Variants in RANBP17 observed in about 807,000 individuals in gnomAD.
The protein encoded by RANBP17 is ran-binding protein 17.
A neutral mutation model predicts 141.2 loss-of-function variants in RANBP17; 158 were observed. The ratio of observed to expected loss-of-function variants is 1.12; its 90% CI spans 0.98 to 1.28. The LOEUF (loss-of-function observed/expected upper bound fraction) is 1.28. RANBP17 is among the 50% of genes most tolerant of loss of function. The pLI, the probability that RANBP17 is intolerant of heterozygous loss-of-function variation, is 0.00. For missense variants in RANBP17, 1,438 were observed against 1,290.7 expected (o/e 1.11, Z -1.75); for synonymous variants, 430 against 450.0 (o/e 0.96, Z 0.56).
chr5:171,120,430 G>T (rs371533757), intron 14 of RANBP17, among the ~76,000 whole-genome samples: 1 of 152,224 alleles, frequency 6.6e-6, no homozygotes, highest in African/African-American at 2.4e-5. Flanking sequence ...CTCAAGTCAT[G>T]ATACAAAGTC....
chr5:170,973,089 A>C (rs1581276993), intron 14 of RANBP17, among the ~76,000 whole-genome samples: 1 of 152,286 alleles, frequency 6.6e-6, no homozygotes, highest in Middle Eastern at 3.4e-3. Flanking sequence ...ACTATTGATA[A>C]GTAACCACTA....
chr5:170,985,957 A>G (rs1345544901), intron 14 of RANBP17, among the ~76,000 whole-genome samples: 3 of 151,970 alleles, frequency 2.0e-5, no homozygotes, highest in African/African-American at 4.8e-5. Flanking sequence ...AAAATTTCCA[A>G]ATTGCTTTTC....
At chr5:171,252,341 A>G in intron 24 of RANBP17, 1 of 1,540,342 alleles carries the variant, frequency 6.5e-7, no homozygotes, top group South Asian at 1.1e-5. Flanking sequence ...GAGATTTTTC[A>G]GGGAACATTA....
chr5:170,899,000 T>TG (rs1770386006), intron 5 of RANBP17, among the ~76,000 whole-genome samples: 1 of 152,102 alleles, frequency 6.6e-6, no homozygotes, highest in Non-Finnish European at 1.5e-5. Context: ...CTTGGCTATA[T>TG]GGGCTCTTTT....
intron 8 of RANBP17, among the ~76,000 whole-genome samples, chr5:170,916,075 A>G (rs186242286): frequency 8.4e-4 from 128 of 151,664 alleles, no homozygotes; most frequent in East Asian, 1.9e-4. Flanking sequence ...TTGCATTATA[A>G]TGCATTATAT....
chr5:170,978,354 A>G (rs999860395), intron 14 of RANBP17, among the ~76,000 whole-genome samples: 1 of 152,128 alleles, frequency 6.6e-6, no homozygotes, highest in Admixed American at 6.5e-5. Flanking sequence ...TTATTTACCC[A>G]GAAGAAATGA....
chr5:171,210,030 A>G (rs1485448577), intron 20 of RANBP17, among the ~76,000 whole-genome samples: 1 of 152,224 alleles, frequency 6.6e-6, no homozygotes, highest in Non-Finnish European at 1.5e-5. Flanking sequence ...CATATTTGGT[A>G]TCCTGTAAGG....
intron 12 of RANBP17, among the ~76,000 whole-genome samples, chr5:170,943,382 A>G (rs2127479018): frequency 6.6e-6 from 1 of 152,232 alleles, no homozygotes; most frequent in Non-Finnish European, 1.5e-5. Flanking sequence ...GTCATGGTTT[A>G]CGAAAACAAT....
chr5:171,278,365 A>C (rs374598556), intron 25 of RANBP17, among the ~76,000 whole-genome samples: 11 of 152,228 alleles, frequency 7.2e-5, no homozygotes, highest in African/African-American at 2.6e-4. Flanking sequence ...AAAAATATTC[A>C]AAAATTAGCT....
At chr5:171,103,124 C>T (rs558433618) in intron 14 of RANBP17, among the ~76,000 whole-genome samples, 6 of 152,320 alleles carry the variant, frequency 3.9e-5, no homozygotes, top group Admixed American at 3.3e-4. Context: ...AGAGCTCTAG[C>T]GCTGTGCTGA....
intron 14 of RANBP17, among the ~76,000 whole-genome samples, chr5:171,155,493 T>C (rs1758835771): frequency 6.6e-6 from 1 of 152,278 alleles, no homozygotes; most frequent in African/African-American, 2.4e-5. Context: ...AGCAGAGTTC[T>C]CCACATACAT....
chr5:171,017,497 A>G (rs901162400), intron 14 of RANBP17, among the ~76,000 whole-genome samples: 5 of 152,148 alleles, frequency 3.3e-5, no homozygotes, highest in African/African-American at 1.2e-4. Flanking sequence ...CATTTCTCTG[A>G]TGATCAGTGA....
intron 13 of RANBP17, among the ~76,000 whole-genome samples, chr5:170,961,437 ATAATT>A (rs1776143779): frequency 6.6e-6 from 1 of 152,226 alleles, no homozygotes; most frequent in Admixed American, 6.5e-5. Context: ...TTTACCAGAA[ATAATT>A]TAAGATAAAC....
chr5:170,952,437 T>C (rs180670772), intron 12 of RANBP17, among the ~76,000 whole-genome samples: 51 of 152,184 alleles, frequency 3.4e-4, no homozygotes, highest in Non-Finnish European at 5.3e-4. Flanking sequence ...CCAGGTTAGA[T>C]TTCTAATTTA....
In RANBP17 at chr5:171,078,138, T is replaced by C. The variant is rs201637154; in HGVS notation, c.1711-91992T>C. Among the ~76,000 whole-genome samples the C allele has an allele frequency of 2.4e-3, 360 of 149,462 alleles. 6 individuals carry two copies. In the East Asian group the frequency reaches 0.039, roughly 16 times the overall value. On this transcript the variant is annotated intron_variant, in intron 14 of 27. Coordinates refer to ENST00000523189, the MANE Select transcript of RANBP17 (RefSeq NM_022897.5). ...AGATTTTCTTTTCTTTTCTTTCTTTTTTTTTTTTTTTTTGAGACTGAGTCT... is the reference window on the plus strand; with the variant it reads ...AGATTTTCTTTTCTTTTCTTTCTTTCTTTTTTTTTTTTTGAGACTGAGTCT...
At chr5:171,001,473 G>T (rs188576358) in intron 14 of RANBP17, among the ~76,000 whole-genome samples, 20 of 152,144 alleles carry the variant, frequency 1.3e-4, no homozygotes, top group African/African-American at 4.6e-4. Flanking sequence ...CAAGTTTTTG[G>T]GGTACACTTC....
chr5:171,100,727 G>A (rs1372364117), intron 14 of RANBP17, among the ~76,000 whole-genome samples: 1 of 152,178 alleles, frequency 6.6e-6, no homozygotes, highest in Non-Finnish European at 1.5e-5. Flanking sequence ...GGTTTCTCCT[G>A]TGGGCATTTA....
chr5:171,199,349 C>T (rs937119085), intron 18 of RANBP17, among the ~76,000 whole-genome samples: 2 of 151,934 alleles, frequency 1.3e-5, no homozygotes, highest in African/African-American at 4.8e-5. Flanking sequence ...TGAAAGTGGT[C>T]TTCCTTGAGG....
At chr5:171,033,841 C>G (rs1342987835) in intron 14 of RANBP17, among the ~76,000 whole-genome samples, 2 of 152,128 alleles carry the variant, frequency 1.3e-5, no homozygotes, top group African/African-American at 2.4e-5. Context: ...GTTCTCAGTG[C>G]AGAGTGGTTT....
Sources: allele counts gnomAD v4.1 joint callset (sites outside exome capture counted in the v4.1 genomes callset), GRCh38; gene constraint gnomAD v4.1.1; transcripts MANE v1.5; gene names NCBI Gene and HGNC (gene_info 2026-07-23, HGNC 2026-07-21).